GRID1: variants seen among roughly 807,000 people sequenced by gnomAD.
GRID1 encodes the protein glutamate ionotropic receptor delta type subunit 1, also known as glutamate receptor ionotropic, delta-1.
Under a neutral mutation model 98.0 loss-of-function variants are expected in GRID1, and 28 were observed. The observed-to-expected ratio is 0.29, with a 90% CI of 0.21 to 0.39. The LOEUF is 0.39. GRID1 is among the 10% of genes least tolerant of loss of function. The pLI, the probability that GRID1 is intolerant of heterozygous loss-of-function variation, is 1.00. For missense variants in GRID1, 1,111 were observed against 1,340.5 expected (o/e 0.83, Z 2.67); for synonymous variants, 553 against 538.5 (o/e 1.03, Z -0.37).
intron 13 of GRID1, among the ~76,000 whole-genome samples, chr10:85,640,397 T>C (rs1843101363): frequency 6.6e-6 from 1 of 152,212 alleles, no homozygotes; most frequent in African/African-American, 2.4e-5. Flanking sequence ...AGCAGTATTT[T>C]TGCTTTGCAC....
chr10:86,248,401 G>A (rs535388130), intron 2 of GRID1, among the ~76,000 whole-genome samples: 122 of 152,300 alleles, frequency 8.0e-4, no homozygotes, highest in African/African-American at 2.8e-3. Context: ...GCAACCTGGA[G>A]TGGTTAAAAC....
chr10:85,993,982 G>T (rs551371553), intron 4 of GRID1, among the ~76,000 whole-genome samples: 9 of 152,208 alleles, frequency 5.9e-5, no homozygotes, highest in African/African-American at 2.2e-4. Context: ...TTTAAATATG[G>T]AGCAGGTGCC....
chr10:85,792,217 C>T (rs1032916736), intron 8 of GRID1, among the ~76,000 whole-genome samples: 1 of 152,190 alleles, frequency 6.6e-6, no homozygotes, highest in Non-Finnish European at 1.5e-5. Context: ...ACCAGAGATC[C>T]GCCCTGATGC....
chr10:86,022,318 A>G (rs1843060526), intron 4 of GRID1, among the ~76,000 whole-genome samples: 1 of 152,212 alleles, frequency 6.6e-6, no homozygotes, highest in Non-Finnish European at 1.5e-5. Context: ...AATTTAAACT[A>G]ATTTCAATTC....
chr10:86,153,952 G>C (rs1009931032), intron 3 of GRID1, among the ~76,000 whole-genome samples: 1 of 152,048 alleles, frequency 6.6e-6, no homozygotes, highest in South Asian at 2.1e-4. Context: ...TACCATCCTC[G>C]GGCTGATCCA....
intron 2 of GRID1, among the ~76,000 whole-genome samples, chr10:86,338,416 C>G (rs879858015): frequency 6.6e-6 from 1 of 152,176 alleles, no homozygotes; most frequent in African/African-American, 2.4e-5. Flanking sequence ...AAGAGATACT[C>G]TACAGCCCCG....
chr10:85,647,484 A>G, intron 12 of GRID1, 87 bp from the exon 13 acceptor site: 1 of 1,018,944 alleles, frequency 9.8e-7, no homozygotes, highest in South Asian at 1.4e-5. Flanking sequence ...GCCCTTCTGA[A>G]CTCCAAGCCC....
intron 4 of GRID1, among the ~76,000 whole-genome samples, chr10:86,056,985 G>C (rs578206114): frequency 4.6e-5 from 7 of 152,334 alleles, no homozygotes; most frequent in African/African-American, 1.7e-4. Flanking sequence ...GACTGTGGTA[G>C]AACTCTTAGC....
chr10:86,186,890 T>C (rs976470342), intron 3 of GRID1, among the ~76,000 whole-genome samples: 1 of 152,216 alleles, frequency 6.6e-6, no homozygotes, highest in Non-Finnish European at 1.5e-5. Context: ...TCTATTCATT[T>C]AGAGAGAAGC....
chr10:86,197,317 C>T (rs978028876), intron 3 of GRID1, among the ~76,000 whole-genome samples: 3 of 152,058 alleles, frequency 2.0e-5, no homozygotes, highest in South Asian at 2.1e-4. Flanking sequence ...CAGGTTGTGC[C>T]GGGCACGCTC....
In GRID1 at chr10:85,600,325, C is replaced by T. The variant is rs1842557036; in HGVS notation, c.*1948G>A. ...GGTAGCACGAATATCAGACCATTCT[C>T]AGCATCCAGCAATAAATAACATAAT... On this transcript the variant is annotated 3_prime_UTR_variant, in exon 16 of 16. Transcript: ENST00000327946. 1 of 152,232 alleles carries T rather than the reference C, an allele frequency of 6.6e-6. No homozygotes were observed. The highest frequency in any genetic ancestry group is 2.1e-4 in the South Asian group (1 of 4,820). The allele number at this position is 152,232 out of a possible 1,614,324, so 9.4% of individuals were successfully genotyped here. A position where few individuals can be genotyped will look rare whatever the true frequency, so the allele number is the denominator to read the frequency against.
intron 12 of GRID1, among the ~76,000 whole-genome samples, chr10:85,662,055 C>T (rs1313350718): frequency 6.6e-6 from 1 of 152,224 alleles, no homozygotes; most frequent in South Asian, 2.1e-4. Flanking sequence ...AGGAGGAACA[C>T]AGCCACCTGT....
intron 3 of GRID1, among the ~76,000 whole-genome samples, chr10:86,161,154 C>T (rs1358321884): frequency 1.3e-5 from 2 of 152,184 alleles, no homozygotes; most frequent in Non-Finnish European, 2.9e-5. Flanking sequence ...CGTCCAACCC[C>T]GGTGACCCAA....
intron 8 of GRID1, among the ~76,000 whole-genome samples, chr10:85,832,944 C>G (rs552772910): frequency 1.3e-5 from 2 of 152,238 alleles, no homozygotes; most frequent in East Asian, 3.9e-4. Flanking sequence ...TCCCCTGAAC[C>G]ACCATGAGAA....
chr10:86,307,460 T>A (rs1391952498), intron 2 of GRID1, among the ~76,000 whole-genome samples: 1 of 152,104 alleles, frequency 6.6e-6, no homozygotes, highest in Non-Finnish European at 1.5e-5. Context: ...TACTGCACAA[T>A]CTCACTTATA....
intron 8 of GRID1, among the ~76,000 whole-genome samples, chr10:85,735,551 A>C (rs184405807): frequency 6.6e-6 from 1 of 151,992 alleles, no homozygotes; most frequent in Admixed American, 6.6e-5. Context: ...GGCATTTGGG[A>C]CTCTGTGGCC....
At chr10:86,258,357 C>A (rs1029968629) in intron 2 of GRID1, among the ~76,000 whole-genome samples, 2 of 152,100 alleles carry the variant, frequency 1.3e-5, no homozygotes, top group Admixed American at 1.3e-4. Context: ...TGCCAAGAAA[C>A]CATACCAGTG....
intron 4 of GRID1, among the ~76,000 whole-genome samples, chr10:86,138,612 T>C (rs979161491): frequency 4.6e-5 from 7 of 152,220 alleles, no homozygotes; most frequent in Non-Finnish European, 1.0e-4. Context: ...TGGGCAGGCC[T>C]TGACTCACCT....
chr10:85,615,001 T>G (rs1842772216), intron 14 of GRID1, among the ~76,000 whole-genome samples: 1 of 152,200 alleles, frequency 6.6e-6, no homozygotes, highest in Non-Finnish European at 1.5e-5. Context: ...CTGAGTTCTC[T>G]GGGTATGTGT....
Sources: gnomAD v4.1 joint callset for allele counts (sites outside exome capture counted in the v4.1 genomes callset) on GRCh38, gnomAD v4.1.1 for gene constraint, MANE v1.5 for transcripts, NCBI Gene and HGNC (gene_info 2026-07-23, HGNC 2026-07-21) for gene names.